CNOT1: variants seen among roughly 807,000 people sequenced by gnomAD.
CNOT1 encodes CCR4-associated factor 1.
A neutral mutation model predicts 273.8 loss-of-function variants in CNOT1; 15 were observed. That is an observed-to-expected ratio of 0.05 (90% confidence interval 0.04 to 0.08). CNOT1 has a LOEUF of 0.08. CNOT1 is among the 10% of genes least tolerant of loss of function. The probability of loss-of-function intolerance (pLI) is 1.00; values close to 1 mark genes in which losing one functional copy is unlikely to be tolerated. For synonymous variants in CNOT1, 1,022 were observed against 1,005.5 expected (o/e 1.02, Z -0.31); for missense variants, 1,644 against 2,912.2 (o/e 0.56, Z 10.02).
rs374241139 is a variant in CNOT1, at chr16:58,538,226, C to G, written c.5176G>C (p.Glu1726Gln). 4 of 1,449,050 alleles carry G rather than the reference C, an allele frequency of 2.8e-6. No individual in the cohort carries two copies. Among genetic ancestry groups the G allele is most frequent in the Non-Finnish European group, 3.9e-6 (4 of 1,029,500 alleles). The allele number at this position is 1,449,050 out of a possible 1,614,324, so 89.8% of individuals were successfully genotyped here. The part of the protein sequence containing the change: ...ECRDEYKYNV[E>Q]AVELLIRNHL... Reference sequence around the variant, plus strand: ...TTGCGAATTAGCAGCTCCACAGCCTCCACATTATATTTATATTCATCTCGA... The same window carrying G: ...TTGCGAATTAGCAGCTCCACAGCCTGCACATTATATTTATATTCATCTCGA... The change falls in exon 37 of 49, where the codon GAG becomes CAG. Residue 1726 changes from glutamate to glutamine, a missense_variant. By Grantham distance (29) the Glu-to-Gln change is conservative. This residue lies in a region of CNOT1 where 170 missense variants were observed against 273.1 expected (regional missense o/e 0.62). Transcript: ENST00000317147.
chr16:58,619,575 GC>G (rs1567448886), intron 1 of CNOT1, among the ~76,000 whole-genome samples: 4 of 151,862 alleles, frequency 2.6e-5, no homozygotes, highest in African/African-American at 9.7e-5. Flanking sequence ...CTAGCCGCCC[GC>G]CACCACACCT....
At chr16:58,566,251 A>G (rs1429299229) in intron 16 of CNOT1, among the ~76,000 whole-genome samples, 1 of 152,208 alleles carries the variant, frequency 6.6e-6, no homozygotes, top group Non-Finnish European at 1.5e-5. Context: ...TACTATTAAC[A>G]CACATTAAAG....
intron 13 of CNOT1, among the ~76,000 whole-genome samples, chr16:58,577,200 A>G (rs951736872): frequency 2.6e-5 from 4 of 152,152 alleles, no homozygotes; most frequent in Admixed American, 6.6e-5. Flanking sequence ...CAAGACCACT[A>G]CTATTGCTAT....
intron 16 of CNOT1, among the ~76,000 whole-genome samples, chr16:58,567,200 G>A (rs1466635352): frequency 1.3e-5 from 2 of 152,106 alleles, no homozygotes; most frequent in Admixed American, 1.3e-4. Context: ...CTGAGCATAG[G>A]TGGCTTATGC....
intron 21 of CNOT1, 87 bp downstream of exon 21, chr16:58,555,164 C>A (rs1407466822): frequency 5.2e-6 from 8 of 1,531,912 alleles, no homozygotes; most frequent in Non-Finnish European, 7.0e-6. Context: ...GCCGAGATTG[C>A]GCCACTGCAC....
chr16:58,597,619 A>G, intron 2 of CNOT1: 4 of 412,398 alleles, frequency 9.7e-6, no homozygotes, highest in South Asian at 8.1e-5. Context: ...TTGATCTGTA[A>G]GCAATCAACA....
intron 42 of CNOT1, among the ~76,000 whole-genome samples, 200 bp downstream of exon 42, chr16:58,531,758 C>T (rs1265547444): frequency 6.6e-6 from 1 of 152,126 alleles, no homozygotes; most frequent in African/African-American, 2.4e-5. Context: ...GTTGAAGCAG[C>T]AACACCTAAT....
chr16:58,578,578 C>A (rs1219317323), intron 13 of CNOT1, 121 bp downstream of exon 13: 2 of 1,462,712 alleles, frequency 1.4e-6, no homozygotes, highest in Non-Finnish European at 1.8e-6. Flanking sequence ...GACAGTATGA[C>A]TTTTAAAGTC....
intron 30 of CNOT1, among the ~76,000 whole-genome samples, chr16:58,544,496 G>A (rs1390087365): frequency 6.6e-6 from 1 of 151,616 alleles, no homozygotes; most frequent in African/African-American, 2.4e-5. Flanking sequence ...ACAACACTAA[G>A]AGTATTCTAA....
intron 13 of CNOT1, among the ~76,000 whole-genome samples, chr16:58,577,872 G>GA (rs1014938352): frequency 2.0e-5 from 3 of 151,572 alleles, no homozygotes; most frequent in Non-Finnish European, 4.4e-5. Flanking sequence ...GTAGGGGAGG[G>GA]AAAAAAATCA....
In CNOT1 at chr16:58,585,444, T is replaced by G; in HGVS notation, c.700A>C (p.Ile234Leu). Residue 234 changes from isoleucine to leucine, a missense_variant, in exon 8 of 49, where the codon ATT becomes CTT. Physicochemically the swap from Ile to Leu is conservative, Grantham distance 5. Coordinates refer to ENST00000317147, the MANE Select transcript of CNOT1 (RefSeq NM_016284.5). ...APLLYPEKRD[I>L]LMDRILPDSG... Reference sequence around the variant, plus strand: ...TCAGGCAGGATCCTGTCCATTAGAATGTCCCGTTTTTCAGGGTATAAAAGT... The same window carrying G: ...TCAGGCAGGATCCTGTCCATTAGAAGGTCCCGTTTTTCAGGGTATAAAAGT... 6.2e-7 allele frequency: 1 copy of G among 1,613,708 alleles called. No homozygotes were observed. The highest frequency in any genetic ancestry group is 8.5e-7 in the Non-Finnish European group (1 of 1,179,946).
chr16:58,574,707 A>C lies in CNOT1; in HGVS notation c.1881T>G (p.Ile627Met). 2 of 1,608,222 alleles carry C rather than the reference A, an allele frequency of 1.2e-6. No individual in the cohort carries two copies. The highest frequency in any genetic ancestry group is 1.7e-6 in the Non-Finnish European group (2 of 1,178,950). ...MTFLKRRCPS[I>M]LGGLAPEKDQ... is the part of the protein sequence containing the mutation. ...CTTTTTCTGGGGCAAGTCCGCCCAAAATAGAAGGACACCGTCTCTTTAAAA... is the reference window on the plus strand; with the variant it reads ...CTTTTTCTGGGGCAAGTCCGCCCAACATAGAAGGACACCGTCTCTTTAAAA... The change falls in exon 16 of 49, where the codon ATT becomes ATG. Residue 627 changes from isoleucine to methionine, a missense_variant. Physicochemically the swap from Ile to Met is conservative, Grantham distance 10 (BLOSUM62 1). Around this residue, in one of 13 missense-constraint regions of CNOT1, gnomAD observed 706 missense variants for 1,021.2 expected, o/e 0.69. Coordinates refer to ENST00000317147, the MANE Select transcript of CNOT1 (RefSeq NM_016284.5).
At chr16:58,554,271 ACT>A (rs1460091391) in intron 21 of CNOT1, among the ~76,000 whole-genome samples, 3 of 152,126 alleles carry the variant, frequency 2.0e-5, no homozygotes, top group Admixed American at 1.3e-4. Context: ...TATTTGTATG[ACT>A]CTGTGTAAAT....
chr16:58,606,805 A>C (rs888718279), intron 1 of CNOT1, among the ~76,000 whole-genome samples: 1 of 152,006 alleles, frequency 6.6e-6, no homozygotes, highest in Admixed American at 6.6e-5. Flanking sequence ...CACCGTATCA[A>C]AAAAAAAGAA....
Position 58,599,481 on chromosome 16 carries a change from A to T in CNOT1, c.-144T>A. ...ATAATATCTTCAGTTCTTCTTTACC[A>T]GGGGTCTTACTCTGTTCTGAAACAT... On this transcript the variant is annotated 5_prime_UTR_variant, in exon 2 of 49. Coordinates refer to ENST00000317147, the MANE Select transcript of CNOT1 (RefSeq NM_016284.5). The T allele has an allele frequency of 1.0e-6, 1 of 965,136 alleles. No homozygotes were observed. Among genetic ancestry groups the T allele is most frequent in the Non-Finnish European group, 1.5e-6 (1 of 663,468 alleles). 59.8% of individuals were successfully genotyped at this position (965,136 alleles called of 1,614,324 possible).
In CNOT1 at chr16:58,576,605, A is replaced by C. The variant is rs750550569; in HGVS notation, c.1585-23T>G. On this transcript the variant is annotated intron_variant, in intron 13 of 48. Transcript: ENST00000317147. ...TCCCTAAAAAGGGGAAGAAAGATTA[A>C]ATAGCAATACTGCTAAACACTGTGA... 6.8e-6 allele frequency: 11 copies of C among 1,613,698 alleles called. No homozygotes were observed. The East Asian group carries it at 2.0e-4, about 29-fold the overall frequency.
chr16:58,595,666 T>C (rs1427148115), intron 2 of CNOT1, among the ~76,000 whole-genome samples: 2 of 152,008 alleles, frequency 1.3e-5, no homozygotes, highest in Non-Finnish European at 2.9e-5. Context: ...CACTGTATCA[T>C]GGAAGGGAAA....
At chr16:58,569,230 C>A (rs1325335088) in intron 16 of CNOT1, among the ~76,000 whole-genome samples, 2 of 152,198 alleles carry the variant, frequency 1.3e-5, no homozygotes, top group African/African-American at 2.4e-5. Context: ...TCAAGCAATT[C>A]TCTTGCCTCA....
intron 2 of CNOT1, chr16:58,597,690 G>T: frequency 5.9e-6 from 3 of 505,262 alleles, no homozygotes; most frequent in South Asian, 4.4e-5. Flanking sequence ...TCTCCCACAT[G>T]ACTCAGCCAG....
Sources: allele counts gnomAD v4.1 joint callset (sites outside exome capture counted in the v4.1 genomes callset), GRCh38; gene constraint gnomAD v4.1.1; regional missense constraint gnomAD v4.1.1; transcripts MANE v1.5; gene names NCBI Gene and HGNC (gene_info 2026-07-23, HGNC 2026-07-21).